CCSER1: variants seen among roughly 807,000 people sequenced by gnomAD.
CCSER1 encodes serine-rich coiled-coil domain-containing protein 1.
Under a neutral mutation model 82.0 loss-of-function variants are expected in CCSER1, and 41 were observed. That is an observed-to-expected ratio of 0.50 (90% confidence interval 0.39 to 0.65). The LOEUF is 0.65. Among genes scored for constraint, CCSER1 ranks in the 30% least tolerant of loss-of-function variants. The pLI, the probability that CCSER1 is intolerant of heterozygous loss-of-function variation, is 0.00. For synonymous variants in CCSER1, 414 were observed against 383.9 expected (o/e 1.08, Z -0.92); for missense variants, 1,119 against 1,064.2 (o/e 1.05, Z -0.72).
intron 9 of CCSER1, among the ~76,000 whole-genome samples, chr4:90,974,233 A>G (rs1735390752): frequency 6.6e-6 from 1 of 151,536 alleles, no homozygotes; most frequent in African/African-American, 2.4e-5. Flanking sequence ...ACAAAAAAGT[A>G]TGTGGGGTGA....
chr4:91,328,685 A>C (rs2149273653), intron 10 of CCSER1, among the ~76,000 whole-genome samples: 1 of 152,282 alleles, frequency 6.6e-6, no homozygotes, highest in Middle Eastern at 3.4e-3. Flanking sequence ...GGACCCTATA[A>C]AATAAAATAA....
chr4:90,786,400 A>T (rs1347491701), intron 7 of CCSER1, among the ~76,000 whole-genome samples: 1 of 152,220 alleles, frequency 6.6e-6, no homozygotes, highest in Non-Finnish European at 1.5e-5. Context: ...CCAATAGGTT[A>T]TATGATTACT....
chr4:91,305,919 G>A (rs1056683525), intron 10 of CCSER1, among the ~76,000 whole-genome samples: 5 of 149,626 alleles, frequency 3.3e-5, no homozygotes, highest in African/African-American at 9.7e-5. Flanking sequence ...TCACTATCAC[G>A]AGAACAGCAT....
intron 10 of CCSER1, among the ~76,000 whole-genome samples, chr4:91,106,826 A>G (rs758844466): frequency 1.3e-5 from 2 of 152,190 alleles, no homozygotes; most frequent in Non-Finnish European, 2.9e-5. Flanking sequence ...GGTATCAGCT[A>G]TCTACTCTAT....
chr4:91,045,740 T>C (rs1046015638), intron 9 of CCSER1, among the ~76,000 whole-genome samples: 2 of 152,060 alleles, frequency 1.3e-5, no homozygotes, highest in Admixed American at 1.3e-4. Flanking sequence ...TTTGTTTTCA[T>C]TATATAGTTA....
At chr4:91,057,485 T>C (rs1488571081) in intron 9 of CCSER1, among the ~76,000 whole-genome samples, 1 of 152,152 alleles carries the variant, frequency 6.6e-6, no homozygotes, top group East Asian at 1.9e-4. Context: ...GTAAGGAGGC[T>C]AACATAATTG....
At chr4:90,741,699 A>G (rs995869956) in intron 7 of CCSER1, among the ~76,000 whole-genome samples, 9 of 152,304 alleles carry the variant, frequency 5.9e-5, no homozygotes, top group African/African-American at 2.2e-4. Context: ...ATATTACTTC[A>G]CAGTTTACCT....
intron 9 of CCSER1, among the ~76,000 whole-genome samples, chr4:91,070,814 C>T (rs546065327): frequency 6.6e-6 from 1 of 152,206 alleles, no homozygotes; most frequent in South Asian, 2.1e-4. Context: ...CGCCGCTCTA[C>T]AAGAGAGTCT....
chr4:90,248,872 G>GTTT (rs34719673), intron 1 of CCSER1, among the ~76,000 whole-genome samples: 1 of 150,662 alleles, frequency 6.6e-6, no homozygotes, highest in Admixed American at 6.6e-5. Flanking sequence ...TAATTTTTGT[G>GTTT]TTTTTTTTGT....
intron 9 of CCSER1, among the ~76,000 whole-genome samples, chr4:90,929,092 ATTC>A (rs1336566519): frequency 7.9e-5 from 12 of 151,976 alleles, no homozygotes; most frequent in Non-Finnish European, 1.2e-4. Context: ...CCTGAACACT[ATTC>A]TTCTTCCAGA....
At chr4:90,935,478 A>T (rs951672275) in intron 9 of CCSER1, among the ~76,000 whole-genome samples, 1 of 152,180 alleles carries the variant, frequency 6.6e-6, no homozygotes, top group Middle Eastern at 3.2e-3. Context: ...AACCTTTTTT[A>T]AAAATAAATA....
At chr4:90,798,022 C>G (rs561610041) in intron 7 of CCSER1, among the ~76,000 whole-genome samples, 1 of 152,274 alleles carries the variant, frequency 6.6e-6, no homozygotes, top group South Asian at 2.1e-4. Flanking sequence ...GTTGGCCTCT[C>G]TAGGTAGGTT....
chr4:91,109,406 A>G (rs1725904914), intron 10 of CCSER1, among the ~76,000 whole-genome samples: 1 of 152,064 alleles, frequency 6.6e-6, no homozygotes, highest in Admixed American at 6.6e-5. Context: ...AGAGAAACCT[A>G]ACTAATACAG....
At chr4:90,166,015 G>A (rs953051924) in intron 1 of CCSER1, among the ~76,000 whole-genome samples, 2 of 151,982 alleles carry the variant, frequency 1.3e-5, no homozygotes, top group Admixed American at 6.6e-5. Context: ...AACTATAGAC[G>A]GTCCCTAACT....
intron 7 of CCSER1, among the ~76,000 whole-genome samples, chr4:90,788,045 C>G (rs1317880628): frequency 2.6e-5 from 4 of 152,052 alleles, no homozygotes; most frequent in Non-Finnish European, 5.9e-5. Flanking sequence ...ATTTTTATAA[C>G]TTAAATAAAA....
intron 9 of CCSER1, among the ~76,000 whole-genome samples, chr4:91,066,884 C>T (rs752584837): frequency 6.6e-6 from 1 of 152,062 alleles, no homozygotes; most frequent in African/African-American, 2.4e-5. Flanking sequence ...GGCCCTGTCC[C>T]GCTGGGCGTG....
intron 9 of CCSER1, among the ~76,000 whole-genome samples, chr4:91,040,070 G>A (rs1311008379): frequency 5.9e-5 from 9 of 152,096 alleles, no homozygotes; most frequent in Non-Finnish European, 8.8e-5. Flanking sequence ...CAATAAGGGA[G>A]TAATACAGAT....
At chr4:91,252,525 A>T (rs189448960) in intron 10 of CCSER1, among the ~76,000 whole-genome samples, 4 of 152,334 alleles carry the variant, frequency 2.6e-5, no homozygotes, top group Admixed American at 1.3e-4. Context: ...AGAAATACCA[A>T]TGTGAAAACT....
intron 1 of CCSER1, among the ~76,000 whole-genome samples, chr4:90,261,660 G>A (rs1298164320): frequency 6.6e-6 from 1 of 152,138 alleles, no homozygotes; most frequent in Non-Finnish European, 1.5e-5. Context: ...GCAAGGTCAG[G>A]AAAGTTTTTC....
Sources: gnomAD v4.1 joint callset for allele counts (sites outside exome capture counted in the v4.1 genomes callset) on GRCh38, gnomAD v4.1.1 for gene constraint, MANE v1.5 for transcripts, NCBI Gene and HGNC (gene_info 2026-07-23, HGNC 2026-07-21) for gene names.